Variants in CRB1 observed in about 807,000 individuals in gnomAD.
CRB1 encodes protein crumbs homolog 1.
A neutral mutation model predicts 120.0 loss-of-function variants in CRB1; 83 were observed. That is an observed-to-expected ratio of 0.69 (90% confidence interval 0.58 to 0.83). The LOEUF (loss-of-function observed/expected upper bound fraction) is 0.83. Among genes scored for constraint, CRB1 ranks in the 40% least tolerant of loss-of-function variants. The pLI is 0.00. For synonymous variants in CRB1, 625 were observed against 612.5 expected (o/e 1.02, Z -0.30); for missense variants, 1,699 against 1,687.6 (o/e 1.01, Z -0.12).
intron 11 of CRB1, among the ~76,000 whole-genome samples, chr1:197,475,495 T>C (rs1043757717): frequency 5.9e-5 from 9 of 152,198 alleles, no homozygotes; most frequent in Non-Finnish European, 1.0e-4. Flanking sequence ...AATTTAGACC[T>C]AGGTAATCTC....
chr1:197,380,602 A>G (rs1312934872), intron 5 of CRB1, among the ~76,000 whole-genome samples: 4 of 152,184 alleles, frequency 2.6e-5, no homozygotes, highest in Middle Eastern at 3.2e-3. Context: ...AGCATTTCTC[A>G]TAGTGCTCTT....
chr1:197,413,713 A>G (rs1303800302), intron 5 of CRB1: 1 of 234,888 alleles, frequency 4.3e-6, no homozygotes, highest in Non-Finnish European at 8.9e-6. Flanking sequence ...AAGCAGGGAT[A>G]GGATCTAAGA....
At chr1:197,445,644 A>T (rs1665665960) in intron 11 of CRB1, among the ~76,000 whole-genome samples, 1 of 152,212 alleles carries the variant, frequency 6.6e-6, no homozygotes, top group Non-Finnish European at 1.5e-5. Context: ...CAATATTAAA[A>T]TTAAACTTCT....
At chr1:197,237,111 A>C in the CRB1 span, among the ~76,000 whole-genome samples, 1 of 151,894 alleles carries the variant, frequency 6.6e-6, no homozygotes, top group Non-Finnish European at 1.5e-5. Context: ...TTCTGCCTCA[A>C]ATGTTTGGTA....
chr1:197,316,908 T>C (rs1211959788), intron 1 of CRB1, among the ~76,000 whole-genome samples: 4 of 66,386 alleles, frequency 6.0e-5, no homozygotes, highest in Non-Finnish European at 9.0e-5. Context: ...TTACAATGGC[T>C]ACAAAAAAAA....
chr1:197,435,120 C>G lies in CRB1; in HGVS notation c.3257C>G (p.Ala1086Gly). ...DNTDIYVGDRAIDNIKGLQGC... is the reference protein window; with the variant it reads ...DNTDIYVGDRGIDNIKGLQGC... ...ACAGATATTTATGTGGGAGACAGAG[C>G]TATTGACAATATAAAGGGCCTGCAA... is the stretch of plus-strand genomic sequence containing the variant. Residue 1086 changes from alanine to glycine, a missense_variant, in exon 9 of 12, where the codon GCT (alanine) becomes GGT (glycine). Coordinates refer to ENST00000367400, the MANE Select transcript of CRB1 (RefSeq NM_201253.3). 1 of 1,613,876 alleles carries G rather than the reference C, an allele frequency of 6.2e-7. No homozygotes were observed. The highest frequency in any genetic ancestry group is 8.5e-7 in the Non-Finnish European group (1 of 1,179,880).
chr1:197,441,627 C>T (rs530254545), intron 10 of CRB1: 3 of 148,294 alleles, frequency 2.0e-5, no homozygotes, highest in Admixed American at 1.4e-4. Flanking sequence ...GAATAAACCT[C>T]TCCTCTTCCT....
intron 2 of CRB1, among the ~76,000 whole-genome samples, chr1:197,334,364 T>C (rs1386248141): frequency 6.6e-6 from 1 of 152,188 alleles, no homozygotes; most frequent in Non-Finnish European, 1.5e-5. Flanking sequence ...CCTCCTCCAA[T>C]ACTCATGTGT....
intron 11 of CRB1, among the ~76,000 whole-genome samples, chr1:197,462,220 C>A (rs1571615030): frequency 6.6e-6 from 1 of 152,170 alleles, no homozygotes; most frequent in East Asian, 1.9e-4. Context: ...AACTTAGGAG[C>A]ATTTTATGGA....
At chr1:197,469,055 G>A (rs1404216486) in intron 11 of CRB1, among the ~76,000 whole-genome samples, 1 of 152,042 alleles carries the variant, frequency 6.6e-6, no homozygotes, top group East Asian at 1.9e-4. Flanking sequence ...CATTAATAAA[G>A]AGCCTCAACT....
intron 1 of CRB1, among the ~76,000 whole-genome samples, chr1:197,287,305 C>G (rs1240309469): frequency 6.6e-6 from 1 of 151,816 alleles, no homozygotes; most frequent in Non-Finnish European, 1.5e-5. Flanking sequence ...TATATTGCTC[C>G]TGGTAGCCTG....
At chr1:197,388,142 A>G (rs182927001) in intron 5 of CRB1, among the ~76,000 whole-genome samples, 1 of 152,132 alleles carries the variant, frequency 6.6e-6, no homozygotes, top group Admixed American at 6.6e-5. Flanking sequence ...AGAACCTACT[A>G]CTCGATATTA....
chr1:197,213,492 A>G, the CRB1 span, among the ~76,000 whole-genome samples: 1 of 152,214 alleles, frequency 6.6e-6, no homozygotes, highest in African/African-American at 2.4e-5. Flanking sequence ...TAAGGACCTC[A>G]AAAAAGGAAG....
chr1:197,359,696 C>T (rs1013806260), intron 5 of CRB1, among the ~76,000 whole-genome samples: 4 of 152,104 alleles, frequency 2.6e-5, no homozygotes, highest in Non-Finnish European at 4.4e-5. Context: ...TGTGTCTGTA[C>T]CATTTTGCAT....
chr1:197,447,380 A>T (rs921206810), intron 11 of CRB1: 2 of 152,252 alleles, frequency 1.3e-5, no homozygotes, highest in African/African-American at 4.8e-5. Flanking sequence ...ACCATTTTAT[A>T]TAACATAATT....
chr1:197,370,040 C>T (rs942154459), intron 5 of CRB1, among the ~76,000 whole-genome samples: 9 of 152,060 alleles, frequency 5.9e-5, no homozygotes, highest in East Asian at 5.8e-4. Flanking sequence ...TTGTATCCAG[C>T]GAAACTGAGC....
At chr1:197,226,686 A>G in the CRB1 span, among the ~76,000 whole-genome samples, 1 of 152,222 alleles carries the variant, frequency 6.6e-6, no homozygotes, top group East Asian at 1.9e-4. Context: ...GTGTGTTCTC[A>G]CACCAAGGAA....
intron 11 of CRB1, among the ~76,000 whole-genome samples, chr1:197,476,808 T>C (rs1667218412): frequency 6.6e-6 from 1 of 152,178 alleles, no homozygotes; most frequent in Non-Finnish European, 1.5e-5. Flanking sequence ...GATAGAAATA[T>C]GTCTTTGAAA....
chr1:197,291,937 T>C (rs1303457691), intron 1 of CRB1, among the ~76,000 whole-genome samples: 1 of 151,986 alleles, frequency 6.6e-6, no homozygotes, highest in Non-Finnish European at 1.5e-5. Flanking sequence ...GGGAAATATA[T>C]AGCACTAAAT....
Sources: gnomAD v4.1 joint callset for allele counts (sites outside exome capture counted in the v4.1 genomes callset) on GRCh38, gnomAD v4.1.1 for gene constraint, MANE v1.5 for transcripts, NCBI Gene and HGNC (gene_info 2026-07-23, HGNC 2026-07-21) for gene names.